The following PTPRN2 variants were observed in gnomAD, a reference collection of about 807,000 sequenced individuals.
The protein encoded by PTPRN2 is protein tyrosine phosphatase receptor type N2, also known as receptor-type tyrosine-protein phosphatase N2.
Under a neutral mutation model 118.8 loss-of-function variants are expected in PTPRN2, and 74 were observed. The observed-to-expected ratio is 0.62, with a 90% confidence interval of 0.52 to 0.76. The LOEUF is 0.76. Ranked by LOEUF, PTPRN2 falls within the 30% of genes least tolerant of loss-of-function variation. The pLI, the probability that PTPRN2 is intolerant of heterozygous loss-of-function variation, is 0.00. For missense variants in PTPRN2, 1,481 were observed against 1,394.4 expected (o/e 1.06, Z -0.99); for synonymous variants, 641 against 608.0 (o/e 1.05, Z -0.80).
chr7:158,002,653 AG>A (rs1805353264), intron 11 of PTPRN2, among the ~76,000 whole-genome samples: 1 of 152,200 alleles, frequency 6.6e-6, no homozygotes, highest in South Asian at 2.1e-4. Context: ...CACGGGGGTC[AG>A]GGAGCCTGGG....
rs1818745465 is a variant in PTPRN2 at position 158,135,674 on chromosome 7, C to T, written c.1173+981G>A. ...GGGAGGGCTGGGTCTCCCCGACTCC[C>T]TAAATTAGGAAATGTGTTTCTCAGC... On this transcript the variant is annotated intron_variant, in intron 8 of 22. Coordinates refer to ENST00000389418, the MANE Select transcript of PTPRN2 (RefSeq NM_002847.5). 1.3e-5 allele frequency among the ~76,000 whole-genome samples: 2 copies of T among 152,142 alleles called. 1 individual carries two copies. Among genetic ancestry groups the T allele is most frequent in the South Asian group, 4.1e-4 (2 of 4,824 alleles).
intron 5 of PTPRN2, among the ~76,000 whole-genome samples, chr7:158,186,554 C>T (rs184950263): frequency 4.4e-4 from 65 of 148,538 alleles, no homozygotes; most frequent in Middle Eastern, 3.5e-3. Context: ...CTGCCCCCTC[C>T]GTCAGAAGCC....
intron 11 of PTPRN2, among the ~76,000 whole-genome samples, chr7:157,982,922 A>AG (rs2128832628): frequency 8.5e-6 from 1 of 117,470 alleles, no homozygotes; most frequent in African/African-American, 3.3e-5. Context: ...GCAGAGTACC[A>AG]GGTTCCCCCC....
At chr7:158,503,541 G>A (rs1822528110) in intron 1 of PTPRN2, among the ~76,000 whole-genome samples, 1 of 152,250 alleles carries the variant, frequency 6.6e-6, no homozygotes, top group African/African-American at 2.4e-5. Context: ...TGAAGAGGCA[G>A]AGCCGGCACC....
chr7:157,782,334 G>A (rs112011874), intron 12 of PTPRN2, among the ~76,000 whole-genome samples: 1,591 of 152,360 alleles, frequency 0.01, 9 homozygotes, highest in Middle Eastern at 0.017. Flanking sequence ...ATGGGGCCCC[G>A]GGTTGGGATG....
At chr7:157,973,564 GAC>G (rs1402630545) in intron 11 of PTPRN2, among the ~76,000 whole-genome samples, 1 of 152,184 alleles carries the variant, frequency 6.6e-6, no homozygotes, top group East Asian at 1.9e-4. Flanking sequence ...GTCTACATGA[GAC>G]ACAGCCACAG....
At chr7:157,594,536 C>G (rs1374706789) in intron 17 of PTPRN2, among the ~76,000 whole-genome samples, 1 of 152,222 alleles carries the variant, frequency 6.6e-6, no homozygotes. Flanking sequence ...CCCAGCTCGA[C>G]TCTCCTTAGG....
At position 158,563,027 on chromosome 7, in the gene PTPRN2, C is replaced by T. The variant is rs1176391984; in HGVS notation, c.112+24531G>A. The stretch of plus-strand genomic sequence containing the variant: ...CCCAGGAAAACCTACATTGAGGGGG[C>T]AGGGTGTGGTCCTCCTGGTTTCAGA... On this transcript the variant is annotated intron_variant, in intron 1 of 22. Transcript: ENST00000389418. This position sits in a 1 kb window ranked among gnomAD's most constrained non-coding sequence, Gnocchi z 5.1. Among the ~76,000 whole-genome samples, 1 of 152,186 alleles carries T rather than the reference C, an allele frequency of 6.6e-6. No individual in the cohort carries two copies. Among genetic ancestry groups the T allele is most frequent in the African/African-American group, 2.4e-5 (1 of 41,438 alleles).
chr7:158,001,335 G>T (rs1585178655), intron 11 of PTPRN2, among the ~76,000 whole-genome samples: 2 of 88,784 alleles, frequency 2.3e-5, no homozygotes, highest in East Asian at 1.4e-3. Flanking sequence ...GTCACAGAGG[G>T]GACCACACTC....
intron 1 of PTPRN2, among the ~76,000 whole-genome samples, chr7:158,521,592 A>G (rs1459816272): frequency 3.9e-5 from 5 of 127,752 alleles, no homozygotes; most frequent in Admixed American, 7.9e-5. Context: ...GGTCCACGTC[A>G]CAATGGTGGA....
chr7:157,850,673 T>C (rs1357140784), intron 12 of PTPRN2, among the ~76,000 whole-genome samples: 1 of 152,208 alleles, frequency 6.6e-6, no homozygotes, highest in Non-Finnish European at 1.5e-5. Context: ...CTCCAATTCC[T>C]TGACAGACAA....
chr7:158,306,890 A>G (rs1801345215), intron 3 of PTPRN2, among the ~76,000 whole-genome samples: 2 of 142,396 alleles, frequency 1.4e-5, no homozygotes, highest in African/African-American at 2.7e-5. Flanking sequence ...TTTTTTAGAC[A>G]GAGTCTTGCT....
rs1166943339 is a variant in PTPRN2 at position 158,438,057 on chromosome 7, T to C, written c.163+51678A>G. Among the ~76,000 whole-genome samples the C allele has an allele frequency of 6.6e-6, 1 of 152,134 alleles. No individual in the cohort carries two copies. The highest frequency in any genetic ancestry group is 2.4e-5 in the African/African-American group (1 of 41,432). On this transcript the variant is annotated intron_variant, in intron 2 of 22. Transcript: ENST00000389418. The surrounding 1 kb of genome is among the most constrained non-coding windows in gnomAD (Gnocchi z 4.7). ...GGCAGCCCGCAGGGAGTGGGCTCCC[T>C]AACAGTGCCCCTCCGATGGGTCTTT...
intron 10 of PTPRN2, among the ~76,000 whole-genome samples, chr7:158,098,862 G>A (rs946424253): frequency 6.6e-6 from 1 of 151,994 alleles, no homozygotes; most frequent in Non-Finnish European, 1.5e-5. Context: ...CGCGGGGAGG[G>A]CCGGAGAAGA....
chr7:158,435,910 G>C (rs1720578560), intron 2 of PTPRN2, among the ~76,000 whole-genome samples: 2 of 152,184 alleles, frequency 1.3e-5, no homozygotes, highest in Admixed American at 1.3e-4. Flanking sequence ...GTGGTTTCCA[G>C]GGGCTGGGTC....
chr7:157,803,094 A>G (rs576149245), intron 12 of PTPRN2, among the ~76,000 whole-genome samples: 3 of 152,042 alleles, frequency 2.0e-5, no homozygotes, highest in Non-Finnish European at 4.4e-5. Flanking sequence ...CCTCCCAAGT[A>G]GCTGGGATTA....
rs1000066262 is a variant in PTPRN2, at chr7:157,944,150, T to C, written c.1724-45413A>G. ...ACAGGCTCCAGATGCCCGGCCTTCA[T>C]GCAGCAAACACCTTCACAGGGAAGG... On this transcript the variant is annotated intron_variant, in intron 11 of 22. Coordinates refer to ENST00000389418, the MANE Select transcript of PTPRN2 (RefSeq NM_002847.5). This position sits in a 1 kb window ranked among gnomAD's most constrained non-coding sequence, Gnocchi z 4.3. Among the ~76,000 whole-genome samples the C allele has an allele frequency of 6.6e-6, 1 of 152,220 alleles. No homozygotes were observed. Among genetic ancestry groups the C allele is most frequent in the Non-Finnish European group, 1.5e-5 (1 of 68,046 alleles).
At chr7:158,393,324 G>A (rs1041148542) in intron 2 of PTPRN2, among the ~76,000 whole-genome samples, 32 of 152,158 alleles carry the variant, frequency 2.1e-4, no homozygotes, top group African/African-American at 7.2e-4. Flanking sequence ...GCTCTGCCAC[G>A]AACACTGAAG....
intron 10 of PTPRN2, among the ~76,000 whole-genome samples, chr7:158,095,143 T>G (rs1378473002): frequency 6.6e-6 from 1 of 151,914 alleles, no homozygotes; most frequent in Admixed American, 6.6e-5. Flanking sequence ...GCCCCGCCCA[T>G]CTGCCCCAAA....
Sources: allele counts gnomAD v4.1 joint callset (sites outside exome capture counted in the v4.1 genomes callset), GRCh38; gene constraint gnomAD v4.1.1; non-coding constraint Gnocchi (gnomAD v3.1); transcripts MANE v1.5; gene names NCBI Gene and HGNC (gene_info 2026-07-23, HGNC 2026-07-21).